TDRD7: variants seen among roughly 807,000 people sequenced by gnomAD.
TDRD7 encodes the protein tudor domain-containing protein 7.
TDRD7 carries 47 observed loss-of-function variants against 109.8 expected under a neutral mutation model. The ratio of observed to expected loss-of-function variants is 0.43; its 90% CI spans 0.34 to 0.55. TDRD7 has a LOEUF of 0.55. TDRD7 is among the 20% of genes least tolerant of loss of function. TDRD7 has a pLI of 0.03. For synonymous variants in TDRD7, 424 were observed against 457.3 expected (o/e 0.93, Z 0.93); for missense variants, 1,164 against 1,319.2 (o/e 0.88, Z 1.82).
At chr9:97,445,137 T>G (rs190929990) in intron 6 of TDRD7, among the ~76,000 whole-genome samples, 1 of 152,282 alleles carries the variant, frequency 6.6e-6, no homozygotes, top group African/African-American at 2.4e-5. Flanking sequence ...GAAACTGTCT[T>G]GAAAAGGCAA....
At chr9:97,490,120 G>T (rs560661126) in intron 16 of TDRD7, among the ~76,000 whole-genome samples, 6 of 152,206 alleles carry the variant, frequency 3.9e-5, no homozygotes, top group African/African-American at 1.2e-4. Context: ...TTAAGAAAAA[G>T]AAATATAAAA....
intron 6 of TDRD7, among the ~76,000 whole-genome samples, chr9:97,454,476 G>A (rs546752317): frequency 2.6e-4 from 40 of 152,102 alleles, no homozygotes; most frequent in African/African-American, 7.5e-4. Context: ...GCAAGACTCC[G>A]TCACAATAAA....
intron 6 of TDRD7, among the ~76,000 whole-genome samples, chr9:97,457,162 G>T (rs2118467750): frequency 6.6e-6 from 1 of 152,236 alleles, no homozygotes; most frequent in South Asian, 2.1e-4. Flanking sequence ...ATTAAAAAGT[G>T]AGGAAACAGT....
At position 97,487,510 on chromosome 9, in the gene TDRD7, G is replaced by A. The variant is rs117589305; in HGVS notation, c.3076+178G>A. On this transcript the variant is annotated intron_variant, in intron 16 of 16. Coordinates refer to ENST00000355295, the MANE Select transcript of TDRD7 (RefSeq NM_014290.3). The stretch of plus-strand genomic sequence containing the variant: ...ATAATTTTAATGATGTCTTACAGTC[G>A]TGCTCTATCATTATATCTGCTGTTT... Among the ~76,000 whole-genome samples the A allele has an allele frequency of 2.2e-4, 34 of 152,120 alleles. No individual in the cohort carries two copies. In the East Asian group the frequency reaches 6.0e-3, roughly 27 times the overall value.
intron 4 of TDRD7, among the ~76,000 whole-genome samples, chr9:97,437,353 A>C (rs558893233): frequency 6.6e-6 from 1 of 152,190 alleles, no homozygotes; most frequent in African/African-American, 2.4e-5. Flanking sequence ...TGAGTTGTTC[A>C]TTAGTCCCTA....
At chr9:97,487,387 TC>T in intron 16 of TDRD7, 55 bp downstream of exon 16, 1 of 1,612,008 alleles carries the variant, frequency 6.2e-7, no homozygotes, top group Non-Finnish European at 8.5e-7. Flanking sequence ...TGTCATTTTA[TC>T]CTGGGTACTT....
At chr9:97,420,301 C>T (rs1251343970) in intron 1 of TDRD7, among the ~76,000 whole-genome samples, 3 of 134,452 alleles carry the variant, frequency 2.2e-5, no homozygotes, top group African/African-American at 8.5e-5. Flanking sequence ...GGAGCCAGGG[C>T]AGTGTGTGTA....
chr9:97,425,600 C>T (rs988172591), intron 1 of TDRD7, among the ~76,000 whole-genome samples: 3 of 151,940 alleles, frequency 2.0e-5, no homozygotes, highest in Admixed American at 1.3e-4. Context: ...TGTTAAGTGA[C>T]GCATGACTAT....
At chr9:97,466,894 C>G (rs1828829877) in intron 8 of TDRD7, among the ~76,000 whole-genome samples, 1 of 152,124 alleles carries the variant, frequency 6.6e-6, no homozygotes, top group African/African-American at 2.4e-5. Context: ...ATACATTGAT[C>G]AAAGCCCATC....
intron 6 of TDRD7, among the ~76,000 whole-genome samples, chr9:97,448,660 A>AC: frequency 6.6e-6 from 1 of 152,148 alleles, no homozygotes; most frequent in Non-Finnish European, 1.5e-5. Context: ...TGAGCTCATA[A>AC]CCATTATTAA....
At chr9:97,431,444 C>T (rs1433905084) in intron 3 of TDRD7, among the ~76,000 whole-genome samples, 1 of 151,954 alleles carries the variant, frequency 6.6e-6, no homozygotes, top group Non-Finnish European at 1.5e-5. Flanking sequence ...TGGTAGAAAA[C>T]CTCTAGTTTC....
At chr9:97,439,165 A>C (rs942123100) in intron 4 of TDRD7, 80 bp from the exon 5 acceptor site, 1 of 1,075,452 alleles carries the variant, frequency 9.3e-7, no homozygotes, top group Non-Finnish European at 1.3e-6. Context: ...GAGACTTTAA[A>C]TGAAAAGTGT....
In TDRD7 at chr9:97,412,751, T is replaced by G. The variant is rs1252337401; in HGVS notation, c.-7+513T>G. 6.6e-6 allele frequency among the ~76,000 whole-genome samples: 1 copy of G among 152,152 alleles called. No individual in the cohort carries two copies. The highest frequency in any genetic ancestry group is 2.4e-5 in the African/African-American group (1 of 41,424). ...GGAGACGAGCCCCAGGCAGGCCGCT[T>G]AAGTAATGCAGGACACACATCCCCA... On this transcript the variant is annotated intron_variant, in intron 1 of 16. Coordinates refer to ENST00000355295, the MANE Select transcript of TDRD7 (RefSeq NM_014290.3). The surrounding 1 kb of genome is among the most constrained non-coding windows in gnomAD (Gnocchi z 4.3).
At chr9:97,480,028 C>A (rs1035344524) in intron 13 of TDRD7, among the ~76,000 whole-genome samples, 15 of 152,106 alleles carry the variant, frequency 9.9e-5, no homozygotes, top group Non-Finnish European at 2.1e-4. Flanking sequence ...CCACATCCAG[C>A]CAGCAGAGCA....
At chr9:97,436,760 C>T (rs1298025293) in intron 4 of TDRD7, among the ~76,000 whole-genome samples, 1 of 152,034 alleles carries the variant, frequency 6.6e-6, no homozygotes, top group East Asian at 1.9e-4. Flanking sequence ...GAGTTGGAAT[C>T]CTTTTTTATT....
chr9:97,487,277 C>G lies in TDRD7; in HGVS notation c.3021C>G (p.Pro1007=), dbSNP rs372985955. ...HELVNIRKVQ[P]LVDMFRKLPF... ...TAGTCAACATAAGAAAAGTACAGCC[C>G]CTAGTGGACATGTTCCGAAAGCTGC... The change falls in exon 16 of 17, where the codon CCC becomes CCG. Residue 1007 remains proline, a synonymous_variant. Transcript: ENST00000355295. 15 of 1,613,794 alleles carry G rather than the reference C, an allele frequency of 9.3e-6. No homozygotes were observed. Among genetic ancestry groups the G allele is most frequent in the Non-Finnish European group, 1.2e-5 (14 of 1,179,922 alleles).
At chr9:97,484,835 G>T (rs144529249) in intron 15 of TDRD7, among the ~76,000 whole-genome samples, 3 of 152,300 alleles carry the variant, frequency 2.0e-5, no homozygotes, top group African/African-American at 7.2e-5. Context: ...CTGGGGGGCA[G>T]ATTGATGATT....
At chr9:97,477,987 G>C (rs559953124) in intron 12 of TDRD7, among the ~76,000 whole-genome samples, 9 of 152,088 alleles carry the variant, frequency 5.9e-5, no homozygotes, top group Non-Finnish European at 1.2e-4. Flanking sequence ...GGCTGGGCGC[G>C]GTGGCTCACA....
At chr9:97,437,511 T>C (rs991945700) in intron 4 of TDRD7, among the ~76,000 whole-genome samples, 1 of 152,174 alleles carries the variant, frequency 6.6e-6, no homozygotes, top group Admixed American at 6.5e-5. Context: ...TGTGATCCCT[T>C]CAGCCTTGAA....
Sources: allele counts gnomAD v4.1 joint callset (sites outside exome capture counted in the v4.1 genomes callset), GRCh38; gene constraint gnomAD v4.1.1; non-coding constraint Gnocchi (gnomAD v3.1); transcripts MANE v1.5; gene names NCBI Gene and HGNC (gene_info 2026-07-23, HGNC 2026-07-21).